RSPH14: variants seen among roughly 807,000 people sequenced by gnomAD.
The protein encoded by RSPH14 is radial spoke head 14 homolog, also known as rhabdoid tumor deletion region gene 1.
A neutral mutation model predicts 26.7 loss-of-function variants in RSPH14; 20 were observed. The ratio of observed to expected loss-of-function variants is 0.75; its 90% CI spans 0.53 to 1.09. The LOEUF is 1.09. Ranked by LOEUF, RSPH14 falls within the 50% of genes least tolerant of loss-of-function variation. The probability of loss-of-function intolerance (pLI) is 0.00; values close to 1 mark genes in which losing one functional copy is unlikely to be tolerated. For missense variants in RSPH14, 449 were observed against 457.2 expected (o/e 0.98, Z 0.16); for synonymous variants, 177 against 189.3 (o/e 0.93, Z 0.53).
In RSPH14 at chr22:23,140,222, C is replaced by T. The variant is rs753475910; in HGVS notation, c.199G>A (p.Gly67Ser). Residue 67 changes from glycine to serine, a missense_variant and splice_region_variant, in exon 2 of 7, where the codon GGC becomes AGC. Coordinates refer to ENST00000216036, the MANE Select transcript of RSPH14 (RefSeq NM_014433.3). ...GTCACCTGTGCTGTGTCACGCTCAC[C>T]TATGTTCATGGCCTTGTAGATACAC... The part of the protein sequence containing the change: ...PECIYKAMNI[G>S]CMENLKALLK... The T allele has an allele frequency of 1.2e-6, 2 of 1,613,580 alleles. No individual in the cohort carries two copies. The highest frequency in any genetic ancestry group is 3.3e-5 in the Admixed American group (2 of 60,028).
intron 5 of RSPH14, among the ~76,000 whole-genome samples, chr22:23,062,343 C>T (rs962475982): frequency 2.6e-5 from 4 of 152,334 alleles, no homozygotes; most frequent in Middle Eastern, 3.4e-3. Context: ...CAGCAGCTGC[C>T]GGGCACTGGG....
chr22:23,123,189 G>A, intron 4 of RSPH14: 1 of 1,613,900 alleles, frequency 6.2e-7, no homozygotes, highest in Non-Finnish European at 8.5e-7. Flanking sequence ...GGACCTGCTG[G>A]CAGAGAAGAT....
chr22:23,132,481 G>A (rs554832483), intron 4 of RSPH14, among the ~76,000 whole-genome samples: 1 of 152,158 alleles, frequency 6.6e-6, no homozygotes, highest in East Asian at 1.9e-4. Context: ...CCTCTGGGAC[G>A]GGCCTTCTTT....
At chr22:23,062,967 AG>A in intron 5 of RSPH14, among the ~76,000 whole-genome samples, 2 of 152,356 alleles carry the variant, frequency 1.3e-5, no homozygotes, top group Middle Eastern at 6.8e-3. Context: ...AACAGAGGAA[AG>A]CCCTGTCCTC....
chr22:23,158,150 T>G, the RSPH14 span: 1 of 1,541,464 alleles, frequency 6.5e-7, no homozygotes, highest in South Asian at 1.2e-5. Context: ...TGGGTGTGAG[T>G]GACCAGGGCC....
the RSPH14 span, chr22:23,180,142 G>A: frequency 4.0e-6 from 1 of 249,226 alleles, no homozygotes. Flanking sequence ...TAGGTGGTGG[G>A]GCTTGGGGAC....
the RSPH14 span, among the ~76,000 whole-genome samples, chr22:23,173,887 T>G: frequency 3.3e-5 from 5 of 152,146 alleles, no homozygotes; most frequent in Admixed American, 2.6e-4. Context: ...TTTTCATATT[T>G]TTAGTAGAGA....
At chr22:23,179,420 C>G in the RSPH14 span, among the ~76,000 whole-genome samples, 5 of 152,186 alleles carry the variant, frequency 3.3e-5, no homozygotes, top group African/African-American at 7.2e-5. Context: ...TCTCAGATCT[C>G]TGTGTCCCCA....
chr22:23,162,786 GGCACACT>G, the RSPH14 span: 1 of 456,008 alleles, frequency 2.2e-6, no homozygotes, highest in South Asian at 1.5e-5. Context: ...CCTAGGGCCT[GGCACACT>G]GCAGCTGCCC....
At chr22:23,131,713 C>T (rs1467213989) in intron 4 of RSPH14, 1 of 1,082,630 alleles carries the variant, frequency 9.2e-7, no homozygotes, top group Admixed American at 2.3e-5. Flanking sequence ...TTTAGCTCAA[C>T]CCAGCACTGG....
chr22:23,163,798 AGT>A, the RSPH14 span: 3 of 152,178 alleles, frequency 2.0e-5, no homozygotes, highest in Non-Finnish European at 4.4e-5. Flanking sequence ...TTTTCACCAG[AGT>A]GAGCTCCTTC....
chr22:23,103,452 G>T (rs2069362575), intron 4 of RSPH14, among the ~76,000 whole-genome samples: 1 of 152,208 alleles, frequency 6.6e-6, no homozygotes, highest in Non-Finnish European at 1.5e-5. Context: ...GTCCTTGCCT[G>T]TCAGTCTCCC....
At chr22:23,145,678 C>T, upstream of RSPH14, 3 of 1,163,144 alleles carry the variant, frequency 2.6e-6, no homozygotes, top group Non-Finnish European at 3.5e-6. Context: ...TTGAAAGCGG[C>T]CTGCGGCCCC....
chr22:23,145,306 G>T, upstream of RSPH14: 1 of 1,515,580 alleles, frequency 6.6e-7, no homozygotes, highest in Non-Finnish European at 9.0e-7. Context: ...GGCTCTCCAG[G>T]GTGTCCAGGA....
Position 23,140,428 on chromosome 22 carries a change from C to G in RSPH14, c.-8G>C. 1 of 1,613,750 alleles carries G rather than the reference C, an allele frequency of 6.2e-7. No homozygotes were observed. The highest frequency in any genetic ancestry group is 8.5e-7 in the Non-Finnish European group (1 of 1,179,860). Reference sequence around the variant, plus strand: ...GTTCTGGGAATGGGCCATCTTTCCCCAACTACAGAGGCCTTTCCAAATGAA... The same window carrying G: ...GTTCTGGGAATGGGCCATCTTTCCCGAACTACAGAGGCCTTTCCAAATGAA... On this transcript the variant is annotated 5_prime_UTR_variant, in exon 2 of 7. Coordinates refer to ENST00000216036, the MANE Select transcript of RSPH14 (RefSeq NM_014433.3).
intron 4 of RSPH14, among the ~76,000 whole-genome samples, chr22:23,064,610 G>A (rs2068165034): frequency 2.0e-5 from 3 of 152,190 alleles, no homozygotes; most frequent in African/African-American, 7.2e-5. Context: ...GGTCTGACCA[G>A]CCCTGGAGAA....
chr22:23,065,202 T>C (rs2068180442), intron 4 of RSPH14, among the ~76,000 whole-genome samples: 1 of 152,152 alleles, frequency 6.6e-6, no homozygotes, highest in Non-Finnish European at 1.5e-5. Context: ...GGATTTCCTC[T>C]TTGAAGACAT....
chr22:23,157,241 C>A, the RSPH14 span, among the ~76,000 whole-genome samples: 3 of 141,096 alleles, frequency 2.1e-5, no homozygotes, highest in Non-Finnish European at 3.1e-5. Flanking sequence ...GAAAGTTGGC[C>A]CTGGACTAAC....
At chr22:23,062,029 A>G (rs1186014183) in intron 5 of RSPH14, 84 bp from the exon 6 acceptor site, 2 of 1,523,692 alleles carry the variant, frequency 1.3e-6, no homozygotes, top group South Asian at 1.2e-5. Flanking sequence ...GGAGACACAA[A>G]AGAAATAATT....
Sources: gnomAD v4.1 joint callset for allele counts (sites outside exome capture counted in the v4.1 genomes callset) on GRCh38, gnomAD v4.1.1 for gene constraint, MANE v1.5 for transcripts, NCBI Gene and HGNC (gene_info 2026-07-23, HGNC 2026-07-21) for gene names.